TXNIP: variants seen among roughly 807,000 people sequenced by gnomAD.
The protein encoded by TXNIP is thioredoxin-interacting protein.
TXNIP carries 23 observed loss-of-function variants against 43.9 expected under a neutral mutation model. That is an observed-to-expected ratio of 0.52 (90% CI 0.38 to 0.74). The LOEUF (loss-of-function observed/expected upper bound fraction) is 0.74. TXNIP is among the 30% of genes least tolerant of loss of function. TXNIP has a pLI of 0.00. For missense variants in TXNIP, 555 were observed against 485.4 expected (o/e 1.14, Z -1.35); for synonymous variants, 234 against 172.2 (o/e 1.36, Z -2.81).
intron 5 of TXNIP, 30 bp downstream of exon 5, chr1:145,994,514 C>T (rs782300949): frequency 6.2e-7 from 1 of 1,613,656 alleles, no homozygotes; most frequent in African/African-American, 1.3e-5. Flanking sequence ...TGAACAATTT[C>T]TCTGCTGAAG....
Position 145,994,404 on chromosome 1 carries a change from T to A in TXNIP, c.865A>T (p.Ile289Phe). The A allele has an allele frequency of 6.2e-7, 1 of 1,614,066 alleles. No homozygotes were observed. The highest frequency in any genetic ancestry group is 8.5e-7 in the Non-Finnish European group (1 of 1,179,938). The change falls in exon 6 of 8, where the codon ATC (isoleucine) becomes TTC (phenylalanine). Residue 289 changes from isoleucine to phenylalanine, a missense_variant. Transcript: ENST00000582401. The part of the protein sequence containing the change: ...YVSVPGSKKV[I>F]LDLPLVIGSR... Reference sequence around the variant, plus strand: ...CCAATTACCAGGGGCAGGTCAAGGATGACCTTCTTGGATCCAGGAACGCTA... The same window carrying A: ...CCAATTACCAGGGGCAGGTCAAGGAAGACCTTCTTGGATCCAGGAACGCTA...
Position 145,994,287 on chromosome 1 carries a change from G to A in TXNIP, c.982C>T (p.Pro328Ser). ...GACATTAGGTCTGGCTCACCTTCTG[G>A]GGTATCAGGGATGTTCAGATCTACC... ...SWVDLNIPDTPEAPPCYMDVI... is the reference protein window; with the variant it reads ...SWVDLNIPDTSEAPPCYMDVI... The change falls in exon 6 of 8, where the codon CCA (proline) becomes TCA (serine). Residue 328 changes from proline (P) to serine (S), a missense_variant. Coordinates refer to ENST00000582401, the MANE Select transcript of TXNIP (RefSeq NM_006472.6). 10 of 1,613,758 alleles carry A rather than the reference G, an allele frequency of 6.2e-6. No homozygotes were observed. The highest frequency in any genetic ancestry group is 8.5e-6 in the Non-Finnish European group (10 of 1,179,876).
In TXNIP at chr1:145,995,294, G is replaced by A. The variant is rs111762172; in HGVS notation, c.324-3C>T. The A allele has an allele frequency of 1.2e-6, 2 of 1,611,064 alleles. No homozygotes were observed. The highest frequency in any genetic ancestry group is 1.7e-6 in the Non-Finnish European group (2 of 1,177,984). On this transcript the variant is annotated splice_polypyrimidine_tract_variant and splice_region_variant and intron_variant, in intron 2 of 7. Coordinates refer to ENST00000582401, the MANE Select transcript of TXNIP (RefSeq NM_006472.6). ...CTTTGAAGGATGTTCCCAGAGGCCT[G>A]TGTCAAGAAAATGAAAATTTTAAAA...
chr1:145,995,646 G>C (rs1036158493), intron 1 of TXNIP, 170 bp from the exon 2 acceptor site: 8 of 697,500 alleles, frequency 1.1e-5, no homozygotes, highest in African/African-American at 3.6e-5. Flanking sequence ...AAATTCTGAT[G>C]TATTTTGTCG....
chr1:145,995,956 G>C, intron 1 of TXNIP, 61 bp downstream of exon 1: 2 of 1,581,728 alleles, frequency 1.3e-6, no homozygotes, highest in Admixed American at 1.7e-5. Context: ...TACAGGTTTT[G>C]TGTATTCAAT....
Position 145,995,429 on chromosome 1 carries a change from T to G in TXNIP, c.298A>C (p.Lys100Gln), listed in dbSNP as rs782204023. 2 of 1,614,116 alleles carry G rather than the reference T, an allele frequency of 1.2e-6. No individual in the cohort carries two copies. The highest frequency in any genetic ancestry group is 3.3e-5 in the Admixed American group (2 of 60,004). The change falls in exon 2 of 8, where the codon AAG (lysine) becomes CAG (glutamine). Residue 100 changes from lysine to glutamine, a missense_variant. Coordinates refer to ENST00000582401, the MANE Select transcript of TXNIP (RefSeq NM_006472.6). ...CCCTGAGGAAGCTCAAAGCCGAACT[T>G]GTACTCATATTTGTTTCCAGGTCTC... is the stretch of plus-strand genomic sequence containing the variant. ...IMRPGNKYEY[K>Q]FGFELPQGPL...
In TXNIP at chr1:145,995,170, C is replaced by G. The variant is rs782386119; in HGVS notation, c.445G>C (p.Val149Leu). 2 of 1,614,132 alleles carry G rather than the reference C, an allele frequency of 1.2e-6. No individual in the cohort carries two copies. Among genetic ancestry groups the G allele is most frequent in the East Asian group, 2.2e-5 (1 of 44,882 alleles). Residue 149 changes from valine (V) to leucine (L), a missense_variant, in exon 3 of 8, where the codon GTG becomes CTG. By Grantham distance (32) the Val-to-Leu change is conservative. Transcript: ENST00000582401. ...ATTAAATCAGGGGTATTGACATCCA[C>G]CAGATCCACTACTTCAAAGTTTTTC... The part of the protein sequence containing the change: ...TKKNFEVVDL[V>L]DVNTPDLMAP...
At position 145,995,216 on chromosome 1, in the gene TXNIP, G is replaced by T; in HGVS notation, c.399C>A (p.Ser133Arg). The change falls in exon 3 of 8, where the codon AGC becomes AGA. Residue 133 changes from serine to arginine, a missense_variant. Transcript: ENST00000582401. Reference protein sequence around the residue: ...YWVKAFLDRPSQPTQETKKNF... With the variant: ...YWVKAFLDRPRQPTQETKKNF... ...TTTTCTTTGTCTCTTGAGTTGGCTGGCTCGGGCGGTCAAGAAAAGCCTTCA... is the reference window on the plus strand; with the variant it reads ...TTTTCTTTGTCTCTTGAGTTGGCTGTCTCGGGCGGTCAAGAAAAGCCTTCA... 1.9e-6 allele frequency: 3 copies of T among 1,614,046 alleles called. No homozygotes were observed. Among genetic ancestry groups the T allele is most frequent in the Non-Finnish European group, 1.7e-6 (2 of 1,180,000 alleles).
At chr1:145,995,577 A>G (rs1651465524) in intron 1 of TXNIP, 101 bp from the exon 2 acceptor site, 6 of 1,018,210 alleles carry the variant, frequency 5.9e-6, no homozygotes, top group Non-Finnish European at 9.3e-6. Context: ...GTATTGAAGT[A>G]CCCCCAATTT....
In TXNIP at chr1:145,994,021, TA is replaced by T; in HGVS notation, c.1134del (p.Tyr378Ter). 3 of 1,614,148 alleles carry T rather than the reference TA, an allele frequency of 1.9e-6. No homozygotes were observed. Among genetic ancestry groups the T allele is most frequent in the Non-Finnish European group, 2.5e-6 (3 of 1,180,000 alleles). ...PEFKFMPPPT[Y>X]TEVDPCILNN... The stretch of plus-strand genomic sequence containing the variant: ...GTAAAGATGACAATCCTCACCTCAG[TA>T]TAAGTCGGTGGTGGCATGAACTTGA... On this transcript the variant is annotated frameshift_variant, in exon 7 of 8. Coordinates refer to ENST00000582401, the MANE Select transcript of TXNIP (RefSeq NM_006472.6). LOFTEE classifies it high-confidence loss of function.
chr1:145,995,835 A>T lies in TXNIP; in HGVS notation c.250+182T>A, dbSNP rs1367175806. ...ACACAGCACCATAAAAAATTGTACA[A>T]ATCACCCTTTTTTTTGGGGGGGGAG... On this transcript the variant is annotated intron_variant, in intron 1 of 7. Coordinates refer to ENST00000582401, the MANE Select transcript of TXNIP (RefSeq NM_006472.6). The T allele has an allele frequency of 5.0e-6, 4 of 806,696 alleles. No individual in the cohort carries two copies. In the Admixed American group the frequency reaches 8.8e-5, roughly 18 times the overall value. The allele number at this position is 806,696 out of a possible 1,614,324, so 50.0% of individuals were successfully genotyped here.
chr1:145,995,517 T>G, intron 1 of TXNIP, 41 bp from the exon 2 acceptor site: 1 of 1,592,680 alleles, frequency 6.3e-7, no homozygotes, highest in East Asian at 2.2e-5. Context: ...GGCTTGCTGT[T>G]ACACTTAAAA....
Position 145,992,784 on chromosome 1 carries a change from T to C in TXNIP, c.*1067A>G, listed in dbSNP as rs747400980. 6.6e-6 allele frequency: 1 copy of C among 152,662 alleles called. No individual in the cohort carries two copies. Among genetic ancestry groups the C allele is most frequent in the African/African-American group, 2.4e-5 (1 of 41,452 alleles). The allele number at this position is 152,662 out of a possible 1,614,324, so 9.5% of individuals were successfully genotyped here. Reference sequence around the variant, plus strand: ...TGAAGACCTGCCCTCTAGTTTCTCATGGCAGTATTTGGAGGTTCTGATCAC... The same window carrying C: ...TGAAGACCTGCCCTCTAGTTTCTCACGGCAGTATTTGGAGGTTCTGATCAC... On this transcript the variant is annotated 3_prime_UTR_variant, in exon 8 of 8. Coordinates refer to ENST00000582401, the MANE Select transcript of TXNIP (RefSeq NM_006472.6).
At position 145,994,056 on chromosome 1, in the gene TXNIP, G is replaced by T. The variant is rs781950165; in HGVS notation, c.1100C>A (p.Ala367Asp). The T allele has an allele frequency of 1.9e-6, 3 of 1,614,086 alleles. No homozygotes were observed. Among genetic ancestry groups the T allele is most frequent in the South Asian group, 2.2e-5 (2 of 91,074 alleles). The stretch of plus-strand genomic sequence containing the variant: ...TGGTGGCATGAACTTGAACTCAGGG[G>T]CATACATAAAGATAGGGCTGTCTTG... ...GSQDSPIFMY[A>D]PEFKFMPPPT... is the part of the protein sequence containing the mutation. The change falls in exon 7 of 8, where the codon GCC becomes GAC. Residue 367 changes from alanine to aspartate, a missense_variant. Transcript: ENST00000582401.
rs782287591 is a variant in TXNIP, at chr1:145,993,996, G to C, written c.1140+20C>G. The C allele has an allele frequency of 2.5e-6, 4 of 1,613,976 alleles. No individual in the cohort carries two copies. The highest frequency in any genetic ancestry group is 2.5e-6 in the Non-Finnish European group (3 of 1,179,996). On this transcript the variant is annotated intron_variant, in intron 7 of 7. Coordinates refer to ENST00000582401, the MANE Select transcript of TXNIP (RefSeq NM_006472.6). ...TAGAAAGCTTAGGACAAATTTAACAGTAAAGATGACAATCCTCACCTCAGT... is the reference window on the plus strand; with the variant it reads ...TAGAAAGCTTAGGACAAATTTAACACTAAAGATGACAATCCTCACCTCAGT...
rs140800433 is a variant in TXNIP at position 145,994,139 on chromosome 1, A to G, written c.1017T>C (p.Pro339=). The G allele has an allele frequency of 2.5e-6, 4 of 1,614,090 alleles. No individual in the cohort carries two copies. The highest frequency in any genetic ancestry group is 3.4e-6 in the Non-Finnish European group (4 of 1,180,054). ...EAPPCYMDVI[P]EDHRLESPTT... ...TTGGGCTCTCCAATCGGTGATCTTC[A>G]GGAATGACATCCATATAGCAGGGAG... The change falls in exon 7 of 8, where the codon CCT becomes CCC. Residue 339 remains proline, a synonymous_variant. Coordinates refer to ENST00000582401, the MANE Select transcript of TXNIP (RefSeq NM_006472.6).
rs782681403 is a variant in TXNIP at position 145,993,877 on chromosome 1, A to G, written c.1150T>C (p.Cys384Arg). ...PPPTYTEVDP[C>R]ILNNNVQ is the part of the protein sequence containing the mutation. ...CACTGCACATTGTTGTTGAGGATGC[A>G]GGGATCCACCTAAAGAAAGAAACAG... is the stretch of plus-strand genomic sequence containing the variant. Residue 384 changes from cysteine (C) to arginine (R), a missense_variant, in exon 8 of 8, where the codon TGC becomes CGC. Cys to Arg is a radical substitution (Grantham distance 180). Coordinates refer to ENST00000582401, the MANE Select transcript of TXNIP (RefSeq NM_006472.6). The G allele has an allele frequency of 6.2e-7, 1 of 1,614,234 alleles. No individual in the cohort carries two copies. Among genetic ancestry groups the G allele is most frequent in the Non-Finnish European group, 8.5e-7 (1 of 1,180,036 alleles).
chr1:145,994,266 T>C lies in TXNIP; in HGVS notation c.988+15A>G. The stretch of plus-strand genomic sequence containing the variant: ...GTAGACCAGAAACAAAGAAAAGACA[T>C]TAGGTCTGGCTCACCTTCTGGGGTA... On this transcript the variant is annotated intron_variant, in intron 6 of 7. Transcript: ENST00000582401. 2 of 1,613,430 alleles carry C rather than the reference T, an allele frequency of 1.2e-6. No individual in the cohort carries two copies. Among genetic ancestry groups the C allele is most frequent in the Admixed American group, 3.3e-5 (2 of 59,898 alleles).
chr1:145,994,698 T>G lies in TXNIP; in HGVS notation c.677A>C (p.Gln226Pro). 1 of 1,614,234 alleles carries G rather than the reference T, an allele frequency of 6.2e-7. No individual in the cohort carries two copies. Among genetic ancestry groups the G allele is most frequent in the Non-Finnish European group, 8.5e-7 (1 of 1,180,030 alleles). Residue 226 changes from glutamine to proline, a missense_variant, in exon 5 of 8, where the codon CAG becomes CCG. Coordinates refer to ENST00000582401, the MANE Select transcript of TXNIP (RefSeq NM_006472.6). Reference sequence around the variant, plus strand: ...CAACTTCTGAGTCAGCACCTTGGTCTGGCCATTGGCAAGGTAAGTGTGGCG... The same window carrying G: ...CAACTTCTGAGTCAGCACCTTGGTCGGGCCATTGGCAAGGTAAGTGTGGCG... The part of the protein sequence containing the change: ...VARHTYLANG[Q>P]TKVLTQKLSS...
Sources: gnomAD v4.1 joint callset for allele counts on GRCh38, gnomAD v4.1.1 for gene constraint, MANE v1.5 for transcripts, NCBI Gene and HGNC (gene_info 2026-07-23, HGNC 2026-07-21) for gene names.